The following KCNIP4 variants were observed in gnomAD, a reference collection of about 807,000 sequenced individuals.
KCNIP4 encodes Kv channel-interacting protein 4.
A neutral mutation model predicts 34.0 loss-of-function variants in KCNIP4; 12 were observed. That is an observed-to-expected ratio of 0.35 (90% CI 0.23 to 0.57). KCNIP4 has a LOEUF of 0.57. Ranked by LOEUF, KCNIP4 falls within the 20% of genes least tolerant of loss-of-function variation. The pLI, the probability that KCNIP4 is intolerant of heterozygous loss-of-function variation, is 0.83. For missense variants in KCNIP4, 238 were observed against 311.7 expected, an observed-to-expected ratio of 0.76 and a Z score of 1.78; for synonymous variants, 124 against 102.2, an observed-to-expected ratio of 1.21 and a Z score of -1.29.
intron 1 of KCNIP4, among the ~76,000 whole-genome samples, chr4:21,428,490 C>G (rs1224416989): frequency 6.6e-6 from 1 of 152,102 alleles, no homozygotes; most frequent in Non-Finnish European, 1.5e-5. Flanking sequence ...TTAAAATCAG[C>G]CTGCAGGCTT....
chr4:21,399,389 C>T (rs973359788), intron 1 of KCNIP4, among the ~76,000 whole-genome samples: 4 of 152,164 alleles, frequency 2.6e-5, no homozygotes, highest in South Asian at 2.1e-4. Flanking sequence ...CCTAGCACCA[C>T]GTGAAGCCAG....
chr4:20,838,326 C>CA (rs1038751814), intron 3 of KCNIP4, among the ~76,000 whole-genome samples: 31 of 151,944 alleles, frequency 2.0e-4, no homozygotes, highest in Middle Eastern at 6.8e-3. Context: ...CAGACTAAAA[C>CA]AAAAAAATGT....
At chr4:21,394,228 A>G (rs969729588) in intron 1 of KCNIP4, among the ~76,000 whole-genome samples, 8 of 152,182 alleles carry the variant, frequency 5.3e-5, no homozygotes, top group African/African-American at 1.7e-4. Flanking sequence ...CTTTTACTAT[A>G]TAAGAAGGAA....
At chr4:21,086,237 C>T (rs1249589293) in intron 1 of KCNIP4, among the ~76,000 whole-genome samples, 3 of 152,080 alleles carry the variant, frequency 2.0e-5, no homozygotes, top group Non-Finnish European at 4.4e-5. Flanking sequence ...AAACCCAAAT[C>T]TTAATTAATA....
intron 1 of KCNIP4, among the ~76,000 whole-genome samples, chr4:21,201,100 T>A (rs541236299): frequency 6.6e-6 from 1 of 152,216 alleles, no homozygotes; most frequent in South Asian, 2.1e-4. Flanking sequence ...TATAAGCTTT[T>A]CTTATGTAAC....
chr4:21,878,710 A>G (rs1726284285), intron 1 of KCNIP4, among the ~76,000 whole-genome samples: 2 of 152,176 alleles, frequency 1.3e-5, no homozygotes, highest in Admixed American at 1.3e-4. Context: ...TTTATTCTGG[A>G]CAACATGAAC....
intron 1 of KCNIP4, among the ~76,000 whole-genome samples, chr4:21,332,309 TAGA>T (rs142357613): frequency 0.078 from 11,818 of 151,960 alleles, 701 homozygotes; most frequent in African/African-American, 0.17. Flanking sequence ...TTTTTATTGT[TAGA>T]AGAATGAAAC....
rs537550364 is a variant in KCNIP4 at position 21,363,931 on chromosome 4, C to T, written c.62-481222G>A. Among the ~76,000 whole-genome samples, 39 of 152,154 alleles carry T rather than the reference C, an allele frequency of 2.6e-4. No homozygotes were observed. The East Asian group carries it at 5.6e-3, about 22-fold the overall frequency. On this transcript the variant is annotated intron_variant, in intron 1 of 8. Coordinates refer to ENST00000382152, the MANE Select transcript of KCNIP4 (RefSeq NM_025221.6). ...ATACTCAGGGCATAGAAAGAGCTCT[C>T]GAGTACCACTGTGAGCCCCAAGATA...
At chr4:21,529,703 C>G (rs1196909684) in intron 1 of KCNIP4, among the ~76,000 whole-genome samples, 2 of 152,116 alleles carry the variant, frequency 1.3e-5, no homozygotes, top group East Asian at 3.9e-4. Flanking sequence ...ACCATGAAAT[C>G]TCTCAAGAGA....
At chr4:21,742,685 A>G (rs1716495528) in intron 1 of KCNIP4, among the ~76,000 whole-genome samples, 1 of 152,218 alleles carries the variant, frequency 6.6e-6, no homozygotes, top group South Asian at 2.1e-4. Flanking sequence ...CATGGCAGAC[A>G]TAGAGAAATA....
rs556652507 is a variant in KCNIP4 at position 21,837,677 on chromosome 4, TTAAA to T, written c.61+110890_61+110893del. ...TCTCTCCCATACCTCTCAGAGATAATTAAATAATTTCATTATTGTAAGTCCATGA... is the reference window on the plus strand; with the variant it reads ...TCTCTCCCATACCTCTCAGAGATAATTAATTTCATTATTGTAAGTCCATGA... On this transcript the variant is annotated intron_variant, in intron 1 of 8. Transcript: ENST00000382152. Among the ~76,000 whole-genome samples, 614 of 137,396 alleles carry T rather than the reference TTAAA, an allele frequency of 4.5e-3. 4 individuals carry two copies. Among genetic ancestry groups the T allele is most frequent in the African/African-American group, 0.016 (584 of 37,248 alleles). The allele number at this position is 137,396 out of a possible 152,430, so 90.1% of individuals were successfully genotyped here. A position where few individuals can be genotyped will look rare whatever the true frequency, so the allele number is the denominator to read the frequency against.
intron 1 of KCNIP4, among the ~76,000 whole-genome samples, chr4:21,215,801 T>C (rs1757534440): frequency 6.6e-6 from 1 of 152,076 alleles, no homozygotes; most frequent in Non-Finnish European, 1.5e-5. Context: ...AGATATTCTT[T>C]GTTGTTGTTG....
rs570983267 is a variant in KCNIP4, at chr4:21,755,797, CA to C, written c.61+192773del. 2.2e-4 allele frequency among the ~76,000 whole-genome samples: 34 copies of C among 151,808 alleles called. 1 individual carries two copies. In the South Asian group the frequency reaches 6.3e-3, roughly 28 times the overall value. On this transcript the variant is annotated intron_variant, in intron 1 of 8. Transcript: ENST00000382152. ...AAACACTTGGTATTAATATTGTTTT[CA>C]AAAAAAAGTGACTGATGTTCTAGCT... is the stretch of plus-strand genomic sequence containing the variant.
intron 2 of KCNIP4, among the ~76,000 whole-genome samples, chr4:20,851,170 C>T (rs1720986029): frequency 6.6e-6 from 1 of 152,126 alleles, no homozygotes; most frequent in East Asian, 1.9e-4. Flanking sequence ...CATCCATTAG[C>T]TGTTCTTCCT....
At chr4:21,278,257 G>A (rs10002994) in intron 1 of KCNIP4, among the ~76,000 whole-genome samples, 33,829 of 151,948 alleles carry the variant, frequency 0.22, 4,224 homozygotes, top group South Asian at 0.35. Flanking sequence ...TGTCATATAG[G>A]TAAACTCATG....
intron 1 of KCNIP4, among the ~76,000 whole-genome samples, chr4:20,979,988 C>A (rs960230130): frequency 6.6e-6 from 1 of 152,198 alleles, no homozygotes; most frequent in Non-Finnish European, 1.5e-5. Flanking sequence ...TTTCCTTGCT[C>A]AGCTTGGAAT....
intron 1 of KCNIP4, among the ~76,000 whole-genome samples, chr4:21,640,514 A>G (rs977384370): frequency 6.6e-6 from 1 of 152,232 alleles, no homozygotes; most frequent in African/African-American, 2.4e-5. Flanking sequence ...GGAATCTCTT[A>G]TTCTGCAGTA....
At chr4:21,337,624 C>CT (rs1290979007) in intron 1 of KCNIP4, among the ~76,000 whole-genome samples, 1 of 152,054 alleles carries the variant, frequency 6.6e-6, no homozygotes, top group African/African-American at 2.4e-5. Context: ...GTACAAACTT[C>CT]TTTTTTTATT....
At chr4:21,089,316 C>T (rs1470795489) in intron 1 of KCNIP4, among the ~76,000 whole-genome samples, 3 of 152,088 alleles carry the variant, frequency 2.0e-5, no homozygotes, top group East Asian at 1.9e-4. Flanking sequence ...CTTCTCTGGC[C>T]GTGTAAGATG....
Sources: gnomAD v4.1 joint callset for allele counts (sites outside exome capture counted in the v4.1 genomes callset) on GRCh38, gnomAD v4.1.1 for gene constraint, MANE v1.5 for transcripts, NCBI Gene and HGNC (gene_info 2026-07-23, HGNC 2026-07-21) for gene names.